The following SMTNL2 variants were observed in gnomAD, a reference collection of about 807,000 sequenced individuals.
SMTNL2 encodes smoothelin like 2, also known as smoothelin-like protein 2.
Under a neutral mutation model 44.1 loss-of-function variants are expected in SMTNL2, and 43 were observed. The ratio of observed to expected loss-of-function variants is 0.98; its 90% CI spans 0.76 to 1.26. The LOEUF (loss-of-function observed/expected upper bound fraction) is 1.26. Ranked by LOEUF, SMTNL2 falls within the 50% of genes most tolerant of loss-of-function variation. The pLI is 0.00. For synonymous variants in SMTNL2, 317 were observed against 287.6 expected (o/e 1.10, Z -1.03); for missense variants, 646 against 670.2 (o/e 0.96, Z 0.40).
At chr17:4,594,212 G>T (rs976064858) in intron 4 of SMTNL2, among the ~76,000 whole-genome samples, 23 of 152,208 alleles carry the variant, frequency 1.5e-4, no homozygotes, top group Non-Finnish European at 1.5e-5. Flanking sequence ...ACTTTGGGAG[G>T]TTGAGGTGGG....
rs963443348 is a variant in SMTNL2, at chr17:4,600,465, C to T, written c.1259+3142C>T. On this transcript the variant is annotated intron_variant, in intron 7 of 7. Coordinates refer to ENST00000389313, the MANE Select transcript of SMTNL2 (RefSeq NM_001114974.2). The surrounding 1 kb of genome is among the most constrained non-coding windows in gnomAD (Gnocchi z 4.7). Reference sequence around the variant, plus strand: ...GTCCCCAAACCACGGGTTCACCTTGCGTGAGGAATGAAGCATTTCCCCGAG... The same window carrying T: ...GTCCCCAAACCACGGGTTCACCTTGTGTGAGGAATGAAGCATTTCCCCGAG... 3.3e-5 allele frequency among the ~76,000 whole-genome samples: 5 copies of T among 152,178 alleles called. No individual in the cohort carries two copies. The highest frequency in any genetic ancestry group is 7.2e-5 in the African/African-American group (3 of 41,450).
Position 4,593,887 on chromosome 17 carries a change from C to T in SMTNL2, c.796C>T (p.His266Tyr). 6.2e-7 allele frequency: 1 copy of T among 1,614,056 alleles called. No individual in the cohort carries two copies. The highest frequency in any genetic ancestry group is 8.5e-7 in the Non-Finnish European group (1 of 1,179,994). Residue 266 changes from histidine (H) to tyrosine (Y), a missense_variant, in exon 4 of 8, where the codon CAC becomes TAC. Coordinates refer to ENST00000389313, the MANE Select transcript of SMTNL2 (RefSeq NM_001114974.2). ...SGYGAVTASK[H>Y]SNSPPLVTPP... The stretch of plus-strand genomic sequence containing the variant: ...CTATGGGGCAGTGACAGCAAGCAAA[C>T]ACAGCAATAGGTGAGTCAGGGCCTG...
rs1191546483 is a variant in SMTNL2 at position 4,607,594 on chromosome 17, C to T, written c.*107C>T. ...CAGGAGCCTTGCCGTTTGGTGTGAGCGCGCTGTTTGTTCTGTGGCATGTGA... is the reference window on the plus strand; with the variant it reads ...CAGGAGCCTTGCCGTTTGGTGTGAGTGCGCTGTTTGTTCTGTGGCATGTGA... On this transcript the variant is annotated 3_prime_UTR_variant, in exon 8 of 8. Transcript: ENST00000389313. The surrounding 1 kb of genome is among the most constrained non-coding windows in gnomAD (Gnocchi z 4.7). 4.6e-6 allele frequency: 7 copies of T among 1,518,118 alleles called. No homozygotes were observed. The highest frequency in any genetic ancestry group is 4.6e-5 in the East Asian group (2 of 43,874). 94.0% of individuals were successfully genotyped at this position (1,518,118 alleles called of 1,614,324 possible). A position where few individuals can be genotyped will look rare whatever the true frequency, so the allele number is the denominator to read the frequency against.
chr17:4,585,095 C>A, intron 1 of SMTNL2, 91 bp downstream of exon 1: 1 of 1,236,950 alleles, frequency 8.1e-7, no homozygotes, highest in Non-Finnish European at 1.0e-6. Flanking sequence ...CCTCTGCTCG[C>A]GTCTGCGGGG....
At position 4,607,380 on chromosome 17, in the gene SMTNL2, C is replaced by A. The variant is rs758369761; in HGVS notation, c.1279C>A (p.Arg427Ser). 2 of 1,613,980 alleles carry A rather than the reference C, an allele frequency of 1.2e-6. No homozygotes were observed. The highest frequency in any genetic ancestry group is 1.7e-6 in the Non-Finnish European group (2 of 1,180,006). Residue 427 changes from arginine (R) to serine (S), a missense_variant, in exon 8 of 8, where the codon CGC (arginine) becomes AGC (serine). Coordinates refer to ENST00000389313, the MANE Select transcript of SMTNL2 (RefSeq NM_001114974.2). The surrounding 1 kb of genome is among the most constrained non-coding windows in gnomAD (Gnocchi z 4.7). ...TMAENLANCERLIEVEDMMVM... is the reference protein window; with the variant it reads ...TMAENLANCESLIEVEDMMVM... ...TTTCAGGAATCTGGCCAACTGTGAGCGCCTCATCGAAGTGGAGGACATGAT... is the reference window on the plus strand; with the variant it reads ...TTTCAGGAATCTGGCCAACTGTGAGAGCCTCATCGAAGTGGAGGACATGAT...
chr17:4,601,536 T>C (rs895215180), intron 7 of SMTNL2, among the ~76,000 whole-genome samples: 4 of 152,148 alleles, frequency 2.6e-5, no homozygotes, highest in Admixed American at 6.5e-5. Context: ...GATTGATTGA[T>C]TGATTGACAC....
intron 1 of SMTNL2, among the ~76,000 whole-genome samples, chr17:4,587,681 C>T (rs1308047668): frequency 2.0e-5 from 3 of 152,198 alleles, no homozygotes; most frequent in African/African-American, 7.2e-5. Context: ...GTTGGTGTCA[C>T]ACTACCCCTC....
In SMTNL2 at chr17:4,595,237, T is replaced by C; in HGVS notation, c.899T>C (p.Leu300Pro). Reference sequence around the variant, plus strand: ...CGGCAGGGGGAGCGTCGCAGGGAGCTGGTGAGGTCGCAGACGCTGCCCCGC... The same window carrying C: ...CGGCAGGGGGAGCGTCGCAGGGAGCCGGTGAGGTCGCAGACGCTGCCCCGC... ...VHRQGERRRELVRSQTLPRTS... is the reference protein window; with the variant it reads ...VHRQGERRREPVRSQTLPRTS... Residue 300 changes from leucine to proline, a missense_variant, in exon 5 of 8, where the codon CTG (leucine) becomes CCG (proline). Transcript: ENST00000389313. This position sits in a 1 kb window ranked among gnomAD's most constrained non-coding sequence, Gnocchi z 5.1. The C allele has an allele frequency of 6.2e-7, 1 of 1,613,146 alleles. No individual in the cohort carries two copies.
rs533385723 is a variant in SMTNL2 at position 4,602,570 on chromosome 17, G to A, written c.1260-4791G>A. ...ACTCCTGACCTCAGGTGATCCTCTC[G>A]CCTCAGCCTCCCAAAGTGCTGGGAT... On this transcript the variant is annotated intron_variant, in intron 7 of 7. Coordinates refer to ENST00000389313, the MANE Select transcript of SMTNL2 (RefSeq NM_001114974.2). Among the ~76,000 whole-genome samples the A allele has an allele frequency of 2.8e-3, 432 of 151,880 alleles. 3 individuals are homozygous for A. The highest frequency in any genetic ancestry group is 9.8e-3 in the African/African-American group (407 of 41,412).
In SMTNL2 at chr17:4,593,825, A is replaced by G. The variant is rs1359174346; in HGVS notation, c.734A>G (p.Lys245Arg). The change falls in exon 4 of 8, where the codon AAG becomes AGG. Residue 245 changes from lysine (K) to arginine (R), a missense_variant. Physicochemically the swap from Lys to Arg is conservative, Grantham distance 26 (BLOSUM62 2). Coordinates refer to ENST00000389313, the MANE Select transcript of SMTNL2 (RefSeq NM_001114974.2). ...TCTCTCCCTCTCTCTTCCACAGAGA[A>G]GAATTCCTCTTTCACGTGGTCTGTG... ...ITPWTPSPSE[K>R]NSSFTWSVPS... is the part of the protein sequence containing the mutation. 2.3e-5 allele frequency: 37 copies of G among 1,613,622 alleles called. No individual in the cohort carries two copies. Among genetic ancestry groups the G allele is most frequent in the Non-Finnish European group, 3.1e-5 (37 of 1,179,932 alleles).
intron 1 of SMTNL2, among the ~76,000 whole-genome samples, chr17:4,587,861 G>C (rs1168826808): frequency 6.6e-6 from 1 of 152,236 alleles, no homozygotes; most frequent in Non-Finnish European, 1.5e-5. Flanking sequence ...CTTGGGGCCG[G>C]GGGTGGATGG....
intron 1 of SMTNL2, 58 bp downstream of exon 1, chr17:4,585,062 C>A (rs1163161356): frequency 2.3e-5 from 29 of 1,277,130 alleles, no homozygotes; most frequent in Non-Finnish European, 2.8e-5. Flanking sequence ...AACCGGGTGC[C>A]GCCCCTTCGC....
At chr17:4,606,315 T>G (rs1484266191) in intron 7 of SMTNL2, among the ~76,000 whole-genome samples, 1 of 151,590 alleles carries the variant, frequency 6.6e-6, no homozygotes, top group Non-Finnish European at 1.5e-5. Context: ...AGAGACAAGG[T>G]TTCACCATAT....
At chr17:4,593,770 G>A (rs1040636278) in intron 3 of SMTNL2, 52 bp from the exon 4 acceptor site, 11 of 1,559,324 alleles carry the variant, frequency 7.1e-6, no homozygotes, top group South Asian at 2.2e-5. Flanking sequence ...AGGCTATGGC[G>A]GGCCCTCCCT....
At chr17:4,604,931 A>G (rs1025394139) in intron 7 of SMTNL2, among the ~76,000 whole-genome samples, 2 of 151,974 alleles carry the variant, frequency 1.3e-5, no homozygotes. Context: ...TCGGCTTCCT[A>G]AAGTGCCGGG....
intron 7 of SMTNL2, among the ~76,000 whole-genome samples, chr17:4,604,365 C>T (rs1910178764): frequency 6.6e-6 from 1 of 152,192 alleles, no homozygotes; most frequent in Non-Finnish European, 1.5e-5. Flanking sequence ...GGAGGGGATC[C>T]AGGACAGATG....
intron 1 of SMTNL2, among the ~76,000 whole-genome samples, chr17:4,586,932 T>A (rs552110206): frequency 6.6e-6 from 1 of 152,136 alleles, no homozygotes; most frequent in Non-Finnish European, 1.5e-5. Flanking sequence ...CTATGGGAAC[T>A]CCAGGTGAAG....
chr17:4,588,781 C>A (rs896691883), intron 1 of SMTNL2, among the ~76,000 whole-genome samples: 1 of 152,226 alleles, frequency 6.6e-6, no homozygotes, highest in Non-Finnish European at 1.5e-5. Flanking sequence ...TCTCTGCCCC[C>A]TAGAAGGCCA....
chr17:4,597,389 G>C, intron 7 of SMTNL2, 66 bp downstream of exon 7: 1 of 1,583,298 alleles, frequency 6.3e-7, no homozygotes, highest in Non-Finnish European at 8.6e-7. Flanking sequence ...TTCTTCCCCA[G>C]GTGGGGCATG....
Sources: gnomAD v4.1 joint callset for allele counts (sites outside exome capture counted in the v4.1 genomes callset) on GRCh38, gnomAD v4.1.1 for gene constraint, Gnocchi (gnomAD v3.1) non-coding constraint, MANE v1.5 for transcripts, NCBI Gene and HGNC (gene_info 2026-07-23, HGNC 2026-07-21) for gene names.